The following ZNF407 variants were observed in gnomAD, a reference collection of about 807,000 sequenced individuals.
The protein encoded by ZNF407 is zinc finger protein 407.
A neutral mutation model predicts 131.2 loss-of-function variants in ZNF407; 17 were observed. That is an observed-to-expected ratio of 0.13 (90% confidence interval 0.09 to 0.19). ZNF407 has a LOEUF of 0.19. ZNF407 is among the 10% of genes least tolerant of loss of function. The pLI is 1.00. For synonymous variants in ZNF407, 1,156 were observed against 1,062.0 expected (o/e 1.09, Z -1.72); for missense variants, 2,681 against 2,830.6 (o/e 0.95, Z 1.20).
intron 8 of ZNF407, among the ~76,000 whole-genome samples, chr18:74,931,567 C>T (rs540750979): frequency 1.1e-4 from 17 of 152,172 alleles, no homozygotes; most frequent in South Asian, 2.1e-4. Context: ...TAAACATTCA[C>T]ATATAAGATT....
intron 5 of ZNF407, among the ~76,000 whole-genome samples, chr18:74,880,642 C>A (rs1420841682): frequency 6.6e-6 from 1 of 152,272 alleles, no homozygotes; most frequent in Non-Finnish European, 1.5e-5. Context: ...TAAGCAGAAC[C>A]ATATATACTG....
intron 8 of ZNF407, among the ~76,000 whole-genome samples, chr18:74,975,780 A>G (rs1341445059): frequency 1.3e-5 from 2 of 152,228 alleles, no homozygotes; most frequent in African/African-American, 4.8e-5. Context: ...ATGGGATAAC[A>G]TACAGTATCT....
At chr18:74,801,791 C>T (rs140669437) in intron 4 of ZNF407, among the ~76,000 whole-genome samples, 21 of 152,046 alleles carry the variant, frequency 1.4e-4, no homozygotes, top group African/African-American at 3.9e-4. Context: ...TTTCAGTTAC[C>T]GCTTAAATTG....
chr18:74,880,894 C>T, intron 5 of ZNF407, 142 bp from the exon 6 acceptor site: 1 of 735,658 alleles, frequency 1.4e-6, no homozygotes, highest in South Asian at 1.5e-5. Flanking sequence ...AGTCAATAAA[C>T]CGCAGTGGTA....
intron 4 of ZNF407, among the ~76,000 whole-genome samples, chr18:74,782,768 G>A (rs1368323422): frequency 3.3e-5 from 5 of 151,890 alleles, no homozygotes; most frequent in African/African-American, 1.2e-4. Context: ...ATAGGCACCC[G>A]CCACCACCTC....
chr18:74,831,843 A>AG (rs1970488504), intron 4 of ZNF407, among the ~76,000 whole-genome samples: 2 of 152,120 alleles, frequency 1.3e-5, no homozygotes, highest in Admixed American at 1.3e-4. Context: ...CCGTGTGTGG[A>AG]GGGGCCTCCC....
intron 6 of ZNF407, among the ~76,000 whole-genome samples, chr18:74,888,685 A>G (rs961580682): frequency 2.0e-5 from 3 of 152,208 alleles, no homozygotes; most frequent in Admixed American, 6.5e-5. Flanking sequence ...ATTAAAATTA[A>G]ATATCCTTGT....
chr18:74,982,768 C>A (rs887043039), intron 8 of ZNF407, among the ~76,000 whole-genome samples: 1 of 152,178 alleles, frequency 6.6e-6, no homozygotes, highest in African/African-American at 2.4e-5. Flanking sequence ...CAAATTAAAT[C>A]TGTCTCTGGT....
chr18:74,877,737 G>T (rs939185658), intron 5 of ZNF407, among the ~76,000 whole-genome samples: 2 of 152,126 alleles, frequency 1.3e-5, no homozygotes, highest in African/African-American at 4.8e-5. Flanking sequence ...CTTGTGTTTT[G>T]TTACTGATAT....
chr18:74,956,530 A>G (rs1452634265), intron 8 of ZNF407, among the ~76,000 whole-genome samples: 2 of 152,020 alleles, frequency 1.3e-5, no homozygotes, highest in African/African-American at 4.8e-5. Flanking sequence ...TCATTTTTCC[A>G]TTCTAGTGTA....
chr18:74,643,830 G>C (rs4243289), intron 3 of ZNF407, among the ~76,000 whole-genome samples: 73,089 of 151,730 alleles, frequency 0.48, 19,107 homozygotes, highest in African/African-American at 0.69. Flanking sequence ...GCCTTTTAAA[G>C]TTTTGTATAA....
intron 8 of ZNF407, among the ~76,000 whole-genome samples, chr18:74,923,292 C>T (rs1314713533): frequency 1.3e-5 from 2 of 149,728 alleles, no homozygotes; most frequent in Non-Finnish European, 3.0e-5. Context: ...TAGTTTGAGA[C>T]TTTCTGGTTA....
chr18:74,806,549 A>C (rs1472573073), intron 4 of ZNF407, among the ~76,000 whole-genome samples: 1 of 152,210 alleles, frequency 6.6e-6, no homozygotes, highest in African/African-American at 2.4e-5. Flanking sequence ...ATATGATAAG[A>C]TGTGGACTGT....
chr18:74,738,541 C>T (rs1357300447), intron 3 of ZNF407, among the ~76,000 whole-genome samples: 1 of 144,554 alleles, frequency 6.9e-6, no homozygotes, highest in Non-Finnish European at 1.5e-5. Flanking sequence ...AGTTTGAGAC[C>T]AATCTGACCA....
At position 74,634,909 on chromosome 18, in the gene ZNF407, T is replaced by G. The variant is rs774675423; in HGVS notation, c.3890T>G (p.Val1297Gly). ...CATGGTTTGGAAGACTTGAAAGGTGTCCAAGAAGATCCCGTTCTGGGGAAT... is the reference window on the plus strand; with the variant it reads ...CATGGTTTGGAAGACTTGAAAGGTGGCCAAGAAGATCCCGTTCTGGGGAAT... ...RGHGLEDLKG[V>G]QEDPVLGNKE... is the part of the protein sequence containing the mutation. The change falls in exon 2 of 9, where the codon GTC becomes GGC. Residue 1297 changes from valine to glycine, a missense_variant. By Grantham distance (109) the Val-to-Gly change is moderately radical. Around this residue, in one of 6 missense-constraint regions of ZNF407, gnomAD observed 1,789 missense variants for 1,748.7 expected, o/e 1.02. Coordinates refer to ENST00000299687, the MANE Select transcript of ZNF407 (RefSeq NM_017757.3). 6.2e-7 allele frequency: 1 copy of G among 1,613,652 alleles called. No individual in the cohort carries two copies. The highest frequency in any genetic ancestry group is 8.5e-7 in the Non-Finnish European group (1 of 1,179,776).
chr18:74,908,081 A>G (rs1165556827), intron 7 of ZNF407, among the ~76,000 whole-genome samples: 17 of 152,176 alleles, frequency 1.1e-4, no homozygotes, highest in Admixed American at 9.8e-4. Context: ...AAATTAATCA[A>G]TGGAACCCAT....
chr18:74,616,982 A>G (rs2144631188), intron 1 of ZNF407, among the ~76,000 whole-genome samples: 1 of 124,590 alleles, frequency 8.0e-6, no homozygotes, highest in East Asian at 2.7e-4. Flanking sequence ...ACACACATCC[A>G]TATCCACGCA....
At chr18:74,918,630 TG>T (rs1971804827) in intron 7 of ZNF407, among the ~76,000 whole-genome samples, 1 of 152,168 alleles carries the variant, frequency 6.6e-6, no homozygotes, top group Non-Finnish European at 1.5e-5. Flanking sequence ...CTCAGGGAAA[TG>T]TAACACCCAG....
At chr18:74,738,867 T>C (rs999156734) in intron 3 of ZNF407, among the ~76,000 whole-genome samples, 5 of 152,156 alleles carry the variant, frequency 3.3e-5, no homozygotes, top group Non-Finnish European at 7.4e-5. Flanking sequence ...ATATGTATCA[T>C]AGAATAGTAA....
Sources: gnomAD v4.1 joint callset for allele counts (sites outside exome capture counted in the v4.1 genomes callset) on GRCh38, gnomAD v4.1.1 for gene constraint, gnomAD v4.1.1 regional missense constraint, MANE v1.5 for transcripts, NCBI Gene and HGNC (gene_info 2026-07-23, HGNC 2026-07-21) for gene names.